KIF5C: variants seen among roughly 807,000 people sequenced by gnomAD.
KIF5C encodes the protein kinesin family member 5C.
KIF5C carries 18 observed loss-of-function variants against 125.2 expected under a neutral mutation model. That is an observed-to-expected ratio of 0.14 (90% confidence interval 0.10 to 0.21). The LOEUF is 0.21. Ranked by LOEUF, KIF5C falls within the 10% of genes least tolerant of loss-of-function variation. The pLI, the probability that KIF5C is intolerant of heterozygous loss-of-function variation, is 1.00. For synonymous variants in KIF5C, 405 were observed against 434.0 expected, an observed-to-expected ratio of 0.93 and a Z score of 0.83; for missense variants, 780 against 1,183.8, an observed-to-expected ratio of 0.66 and a Z score of 5.01.
At chr2:148,992,889 G>A (rs570767909) in intron 16 of KIF5C, among the ~76,000 whole-genome samples, 3 of 152,338 alleles carry the variant, frequency 2.0e-5, no homozygotes, top group Non-Finnish European at 4.4e-5. Context: ...AAAAGCATGT[G>A]TTTTGGCCAG....
At chr2:148,969,574 AGAGG>A (rs1430954574) in intron 11 of KIF5C, among the ~76,000 whole-genome samples, 2 of 152,114 alleles carry the variant, frequency 1.3e-5, no homozygotes, top group Non-Finnish European at 2.9e-5. Context: ...TTTAATGCAA[AGAGG>A]GAGACTCAAA....
At position 148,936,827 on chromosome 2, in the gene KIF5C, T is replaced by C. The variant is rs370189187; in HGVS notation, c.292-457T>C. Among the ~76,000 whole-genome samples the C allele has an allele frequency of 2.6e-5, 4 of 152,362 alleles. No individual in the cohort carries two copies. In the East Asian group the frequency reaches 7.7e-4, roughly 29 times the overall value. Reference sequence around the variant, plus strand: ...GCCAGAATAAGGTTCTTAGAAATTTTGGAAAATTTTGGAAATCAGTTCTAG... The same window carrying C: ...GCCAGAATAAGGTTCTTAGAAATTTCGGAAAATTTTGGAAATCAGTTCTAG... On this transcript the variant is annotated intron_variant, in intron 3 of 25. Coordinates refer to ENST00000435030, the MANE Select transcript of KIF5C (RefSeq NM_004522.3).
intron 1 of KIF5C, among the ~76,000 whole-genome samples, chr2:148,894,920 A>T (rs866497397): frequency 7.4e-4 from 112 of 151,128 alleles, no homozygotes; most frequent in African/African-American, 2.7e-3. Context: ...CCCAAGAATA[A>T]GTATGAACTG....
rs530719214 is a variant in KIF5C at position 148,945,110 on chromosome 2, A to G, written c.590-1789A>G. Among the ~76,000 whole-genome samples the G allele has an allele frequency of 5.3e-5, 8 of 152,116 alleles. No homozygotes were observed. The East Asian group carries it at 1.2e-3, about 22-fold the overall frequency. On this transcript the variant is annotated intron_variant, in intron 7 of 25. Coordinates refer to ENST00000435030, the MANE Select transcript of KIF5C (RefSeq NM_004522.3). ...CATGGATTGCTTTTTTACACTATTG[A>G]TAGTGTCTTTTGATATAAAAGTTTT...
chr2:148,941,436 A>G (rs138614326), intron 4 of KIF5C, among the ~76,000 whole-genome samples, 174 bp from the exon 5 acceptor site: 98 of 152,314 alleles, frequency 6.4e-4, no homozygotes, highest in African/African-American at 1.9e-3. Context: ...AGCGTAGAGC[A>G]AGCGGGAAGT....
chr2:148,987,072 G>A (rs936340721), intron 15 of KIF5C, among the ~76,000 whole-genome samples: 2 of 152,208 alleles, frequency 1.3e-5, no homozygotes, highest in Non-Finnish European at 2.9e-5. Flanking sequence ...CACTCTTACA[G>A]GTTGGGAAGT....
chr2:148,967,901 C>T (rs1382356292), intron 11 of KIF5C, among the ~76,000 whole-genome samples: 2 of 152,130 alleles, frequency 1.3e-5, no homozygotes, highest in African/African-American at 4.8e-5. Flanking sequence ...GAGTGAATTA[C>T]AGCTCCAGCT....
intron 21 of KIF5C, among the ~76,000 whole-genome samples, chr2:149,004,766 G>A (rs1441515039): frequency 1.3e-5 from 2 of 152,168 alleles, no homozygotes; most frequent in Non-Finnish European, 1.5e-5. Flanking sequence ...GATCTTGACA[G>A]CAATGATAAG....
intron 1 of KIF5C, among the ~76,000 whole-genome samples, chr2:148,912,668 C>T (rs1359398889): frequency 1.3e-5 from 2 of 152,214 alleles, no homozygotes; most frequent in East Asian, 3.8e-4. Flanking sequence ...AGGCTGGTCT[C>T]AAACTCCTGG....
chr2:148,889,932 G>A (rs1357612597), intron 1 of KIF5C, among the ~76,000 whole-genome samples: 2 of 152,160 alleles, frequency 1.3e-5, no homozygotes, highest in Non-Finnish European at 2.9e-5. Context: ...AATGCTGTGG[G>A]CCCCCTTTCT....
At chr2:148,983,831 C>T in intron 15 of KIF5C, 65 bp downstream of exon 15, 1 of 1,465,144 alleles carries the variant, frequency 6.8e-7, no homozygotes, top group Non-Finnish European at 9.1e-7. Flanking sequence ...CTGTGCTTTA[C>T]TCTTTTAAGC....
intron 7 of KIF5C, among the ~76,000 whole-genome samples, chr2:148,943,482 C>A (rs1406393141): frequency 6.6e-6 from 1 of 152,102 alleles, no homozygotes; most frequent in Non-Finnish European, 1.5e-5. Context: ...GGGTTTATAG[C>A]TTGCATGAGG....
chr2:148,944,403 G>A (rs903640029), intron 7 of KIF5C, among the ~76,000 whole-genome samples: 5 of 152,166 alleles, frequency 3.3e-5, no homozygotes, highest in African/African-American at 1.2e-4. Context: ...ATCATAAAGT[G>A]TTTGTCCTTT....
intron 1 of KIF5C, among the ~76,000 whole-genome samples, chr2:148,918,887 G>A (rs1292228243): frequency 1.3e-5 from 2 of 152,256 alleles, no homozygotes; most frequent in South Asian, 4.1e-4. Context: ...GATAGCTGTT[G>A]TGTAGAAGAG....
intron 15 of KIF5C, 98 bp downstream of exon 15, chr2:148,983,864 T>A (rs1205994513): frequency 2.3e-6 from 3 of 1,325,986 alleles, no homozygotes; most frequent in Non-Finnish European, 2.9e-6. Flanking sequence ...GCACTGTGCT[T>A]TGCATCTGCC....
chr2:148,911,055 G>A (rs1681314640), intron 1 of KIF5C, among the ~76,000 whole-genome samples: 1 of 152,288 alleles, frequency 6.6e-6, no homozygotes, highest in South Asian at 2.1e-4. Context: ...GGGTACTTGG[G>A]GACATCTAAT....
At chr2:148,973,707 T>C (rs1487274120) in intron 12 of KIF5C, among the ~76,000 whole-genome samples, 196 bp downstream of exon 12, 1 of 152,226 alleles carries the variant, frequency 6.6e-6, no homozygotes, top group African/African-American at 2.4e-5. Context: ...GGAACTTGAC[T>C]GAAAAAGCAG....
Position 148,994,476 on chromosome 2 carries a change from G to C in KIF5C, c.1961G>C (p.Arg654Thr), listed in dbSNP as rs373791386. ...TACATGCAGAACATGGAACAGAAGA[G>C]GAGGCAGCTAGAAGAGTCCCAGGAC... The part of the protein sequence containing the change: ...TDYMQNMEQK[R>T]RQLEESQDSL... Residue 654 changes from arginine (R) to threonine (T), a missense_variant, in exon 17 of 26, where the codon AGG becomes ACG. Physicochemically the swap from Arg to Thr is moderately conservative, Grantham distance 71. Around this residue, in one of 2 missense-constraint regions of KIF5C, gnomAD observed 573 missense variants for 742.6 expected, o/e 0.77. Transcript: ENST00000435030. 5.7e-6 allele frequency: 9 copies of C among 1,577,496 alleles called. No homozygotes were observed. The highest frequency in any genetic ancestry group is 7.7e-6 in the Non-Finnish European group (9 of 1,161,622).
intron 10 of KIF5C, among the ~76,000 whole-genome samples, chr2:148,956,975 A>T (rs1042737144): frequency 1.3e-5 from 2 of 152,234 alleles, no homozygotes; most frequent in Admixed American, 6.5e-5. Flanking sequence ...TAAGGCTTCT[A>T]TGGGTCATTG....
Sources: allele counts gnomAD v4.1 joint callset (sites outside exome capture counted in the v4.1 genomes callset), GRCh38; gene constraint gnomAD v4.1.1; regional missense constraint gnomAD v4.1.1; transcripts MANE v1.5; gene names NCBI Gene and HGNC (gene_info 2026-07-23, HGNC 2026-07-21).